Variants in B4GALT6 observed in about 807,000 individuals in gnomAD.
B4GALT6 encodes the protein beta-1,4-galactosyltransferase 6, also known as UDP-Gal:beta-GlcNAc beta-1,4-galactosyltransferase 6.
Under a neutral mutation model 46.3 loss-of-function variants are expected in B4GALT6, and 14 were observed. The ratio of observed to expected loss-of-function variants is 0.30; its 90% CI spans 0.20 to 0.47. B4GALT6 has a LOEUF of 0.47. B4GALT6 is among the 20% of genes least tolerant of loss of function. The pLI is 0.99. For synonymous variants in B4GALT6, 168 were observed against 162.0 expected (o/e 1.04, Z -0.28); for missense variants, 386 against 480.1 (o/e 0.80, Z 1.83).
chr18:31,678,324 C>CT (rs961479624), intron 1 of B4GALT6, among the ~76,000 whole-genome samples: 25 of 151,638 alleles, frequency 1.6e-4, no homozygotes, highest in South Asian at 2.1e-4. Context: ...GAAGACTGGT[C>CT]TTTTTTTTTC....
the B4GALT6 span, among the ~76,000 whole-genome samples, chr18:31,700,428 T>A: frequency 7.3e-6 from 1 of 137,682 alleles, no homozygotes; most frequent in African/African-American, 2.7e-5. Flanking sequence ...TTTATAAAAT[T>A]GACTATTTGT....
At chr18:31,712,351 G>A in the B4GALT6 span, among the ~76,000 whole-genome samples, 6 of 133,682 alleles carry the variant, frequency 4.5e-5, no homozygotes, top group Non-Finnish European at 6.1e-5. Context: ...CACCCAGGCT[G>A]GAGTGCAGTG....
intron 1 of B4GALT6, among the ~76,000 whole-genome samples, chr18:31,677,618 G>GTA (rs1461763214): frequency 1.3e-5 from 2 of 152,172 alleles, no homozygotes; most frequent in African/African-American, 4.8e-5. Flanking sequence ...CTGAATCACT[G>GTA]TATTACTTGT....
chr18:31,665,375 T>G (rs566310884), intron 2 of B4GALT6, among the ~76,000 whole-genome samples: 2 of 152,220 alleles, frequency 1.3e-5, no homozygotes, highest in African/African-American at 4.8e-5. Flanking sequence ...CATTAAATTA[T>G]TGGTTCAGCC....
At chr18:31,649,719 C>A (rs746739605) in intron 3 of B4GALT6, among the ~76,000 whole-genome samples, 1 of 151,870 alleles carries the variant, frequency 6.6e-6, no homozygotes, top group Non-Finnish European at 1.5e-5. Context: ...GCATCAAATA[C>A]CAATAGGAAA....
At chr18:31,724,222 C>A in the B4GALT6 span, 1 of 321,310 alleles carries the variant, frequency 3.1e-6, no homozygotes, top group Non-Finnish European at 6.0e-6. Context: ...CTCGGGGCTG[C>A]CCTAATGGCT....
the B4GALT6 span, among the ~76,000 whole-genome samples, chr18:31,722,862 T>G: frequency 6.6e-6 from 1 of 152,206 alleles, no homozygotes; most frequent in Non-Finnish European, 1.5e-5. Flanking sequence ...TACCAAGACC[T>G]CTTTATTACT....
At chr18:31,680,667 C>T (rs1454206108) in intron 1 of B4GALT6, among the ~76,000 whole-genome samples, 1 of 152,204 alleles carries the variant, frequency 6.6e-6, no homozygotes, top group African/African-American at 2.4e-5. Context: ...TAATCTCCTC[C>T]CATTATATAG....
chr18:31,627,696 G>A (rs1372809172), intron 6 of B4GALT6, among the ~76,000 whole-genome samples: 2 of 152,114 alleles, frequency 1.3e-5, no homozygotes, highest in African/African-American at 4.8e-5. Flanking sequence ...GATATTTACA[G>A]AAATAACTAT....
intron 5 of B4GALT6, among the ~76,000 whole-genome samples, chr18:31,635,283 T>G (rs1267694573): frequency 6.6e-6 from 1 of 151,076 alleles, no homozygotes; most frequent in Non-Finnish European, 1.5e-5. Flanking sequence ...CTCTCACCTC[T>G]CCACACATTA....
At chr18:31,691,453 G>A in the B4GALT6 span, among the ~76,000 whole-genome samples, 1 of 151,048 alleles carries the variant, frequency 6.6e-6, no homozygotes, top group Non-Finnish European at 1.5e-5. Flanking sequence ...AAAAGCAAAA[G>A]ATAAAATATA....
At chr18:31,683,765 CA>C (rs1434057370) in intron 1 of B4GALT6, among the ~76,000 whole-genome samples, 1 of 152,082 alleles carries the variant, frequency 6.6e-6, no homozygotes, top group East Asian at 1.9e-4. Context: ...ATTGTTTTTA[CA>C]AGACAACTCA....
At chr18:31,715,245 C>T in the B4GALT6 span, among the ~76,000 whole-genome samples, 4 of 151,974 alleles carry the variant, frequency 2.6e-5, no homozygotes, top group South Asian at 2.1e-4. Context: ...TTGTTTTTAG[C>T]GACAGGGTCT....
chr18:31,724,554 G>T, the B4GALT6 span: 1 of 1,032,272 alleles, frequency 9.7e-7, no homozygotes, highest in Middle Eastern at 5.0e-4. Flanking sequence ...TGAGACTTTG[G>T]CTCAGAGTTT....
the B4GALT6 span, among the ~76,000 whole-genome samples, chr18:31,713,706 CTTTTTCATAAAGATGAAACCGAATTTT>C: frequency 2.0e-5 from 3 of 152,148 alleles, no homozygotes; most frequent in Admixed American, 6.6e-5. Flanking sequence ...GGAGTTTAAT[CTTTTTCATAAAGATGAAACCGAATTTT>C]TTTCAAGCAA....
chr18:31,666,867 G>A (rs1185206081), intron 1 of B4GALT6, among the ~76,000 whole-genome samples: 2 of 152,090 alleles, frequency 1.3e-5, no homozygotes, highest in African/African-American at 2.4e-5. Flanking sequence ...TTTGCGGGGA[G>A]GGGTGATCTA....
Position 31,625,522 on chromosome 18 carries a change from T to C in B4GALT6, c.*92A>G, listed in dbSNP as rs980275446. ...TGGCTCTTCTCAGAGAAAAGGGCAC[T>C]GTGACACAGCCAATCACTGACCTCC... On this transcript the variant is annotated 3_prime_UTR_variant, in exon 9 of 9. Transcript: ENST00000306851. 22 of 1,430,676 alleles carry C rather than the reference T, an allele frequency of 1.5e-5. No homozygotes were observed. Among genetic ancestry groups the C allele is most frequent in the Non-Finnish European group, 2.1e-5 (22 of 1,028,842 alleles). The allele number at this position is 1,430,676 out of a possible 1,614,324, so 88.6% of individuals were successfully genotyped here. A position where few individuals can be genotyped will look rare whatever the true frequency, so the allele number is the denominator to read the frequency against.
the B4GALT6 span, among the ~76,000 whole-genome samples, chr18:31,713,873 G>A: frequency 2.0e-4 from 30 of 152,320 alleles, no homozygotes; most frequent in African/African-American, 6.7e-4. Flanking sequence ...TCACAGCATC[G>A]TTGGCCCGGC....
chr18:31,688,260 C>CGT (rs778431231), upstream of B4GALT6, among the ~76,000 whole-genome samples: 221 of 140,816 alleles, frequency 1.6e-3, 2 homozygotes, highest in African/African-American at 5.0e-3. Flanking sequence ...TATATATATA[C>CGT]ATATATATAT....
Sources: gnomAD v4.1 joint callset for allele counts (sites outside exome capture counted in the v4.1 genomes callset) on GRCh38, gnomAD v4.1.1 for gene constraint, MANE v1.5 for transcripts, NCBI Gene and HGNC (gene_info 2026-07-23, HGNC 2026-07-21) for gene names.